The following PCDHGB4 variants were observed in gnomAD, a reference collection of about 807,000 sequenced individuals.
PCDHGB4 encodes the protein protocadherin gamma subfamily B, 4, also known as protocadherin gamma-B4.
PCDHGB4 carries 38 observed loss-of-function variants against 60.5 expected under a neutral mutation model. The ratio of observed to expected loss-of-function variants is 0.63; its 90% CI spans 0.48 to 0.82. The LOEUF (loss-of-function observed/expected upper bound fraction) is 0.82, where lower values mean the gene tolerates loss of function less well. PCDHGB4 is among the 40% of genes least tolerant of loss of function. The pLI, the probability that PCDHGB4 is intolerant of heterozygous loss-of-function variation, is 0.00. For missense variants in PCDHGB4, 1,109 were observed against 1,209.6 expected, an observed-to-expected ratio of 0.92 and a Z score of 1.23; for synonymous variants, 456 against 509.7, an observed-to-expected ratio of 0.89 and a Z score of 1.42.
intron 1 of PCDHGB4, among the ~76,000 whole-genome samples, chr5:141,473,057 A>G (rs2099313037): frequency 2.6e-5 from 4 of 152,056 alleles, no homozygotes; most frequent in Non-Finnish European, 5.9e-5. Flanking sequence ...AAGTGATACA[A>G]CAAGTTACAG....
chr5:141,398,781 A>G, intron 1 of PCDHGB4: 1 of 1,613,934 alleles, frequency 6.2e-7, no homozygotes, highest in South Asian at 1.1e-5. Flanking sequence ...TGGACGGTGG[A>G]CATCCACCCC....
chr5:141,442,472 C>T (rs1032989256), intron 1 of PCDHGB4: 1 of 152,204 alleles, frequency 6.6e-6, no homozygotes, highest in Non-Finnish European at 1.5e-5. Context: ...GCAGAAAGCC[C>T]CTTGGGGAAG....
At chr5:141,394,913 C>G (rs1284631853) in intron 1 of PCDHGB4, 2 of 1,613,780 alleles carry the variant, frequency 1.2e-6, no homozygotes, top group South Asian at 2.2e-5. Flanking sequence ...TGGCTGCCAT[C>G]TCCTGTGTCT....
intron 1 of PCDHGB4, chr5:141,395,029 AT>A: frequency 6.2e-7 from 1 of 1,613,976 alleles, no homozygotes. Context: ...CCTGCCTCAC[AT>A]TTTGTGGGTG....
intron 1 of PCDHGB4, chr5:141,394,570 A>G: frequency 6.2e-7 from 1 of 1,613,768 alleles, no homozygotes; most frequent in Non-Finnish European, 8.5e-7. Flanking sequence ...GAGCGTGGCT[A>G]CCTGGTGACC....
At chr5:141,436,486 C>A (rs2097826645) in intron 1 of PCDHGB4, among the ~76,000 whole-genome samples, 1 of 152,152 alleles carries the variant, frequency 6.6e-6, no homozygotes. Flanking sequence ...AGAAGGATAG[C>A]AGCTTTGCAA....
intron 1 of PCDHGB4, among the ~76,000 whole-genome samples, chr5:141,460,709 A>G (rs2098995845): frequency 6.6e-6 from 1 of 151,794 alleles, no homozygotes; most frequent in Non-Finnish European, 1.5e-5. Flanking sequence ...ATGAGAATAA[A>G]CTATTGTTAT....
intron 1 of PCDHGB4, chr5:141,408,313 T>G (rs375849626): frequency 6.2e-7 from 1 of 1,613,758 alleles, no homozygotes; most frequent in African/African-American, 1.3e-5. Flanking sequence ...GCTACTCGAT[T>G]CCGGAGGAGC....
intron 1 of PCDHGB4, among the ~76,000 whole-genome samples, chr5:141,480,693 G>C (rs1488899685): frequency 2.6e-5 from 4 of 152,096 alleles, no homozygotes; most frequent in Non-Finnish European, 5.9e-5. Context: ...CTGAAACCCA[G>C]GCCACACCCC....
chr5:141,393,752 AT>A, intron 1 of PCDHGB4: 1 of 1,613,942 alleles, frequency 6.2e-7, no homozygotes, highest in Non-Finnish European at 8.5e-7. Flanking sequence ...AAGAATGTTC[AT>A]TTTATGAAAT....
At chr5:141,418,357 G>T (rs375883635) in intron 1 of PCDHGB4, 2 of 1,613,864 alleles carry the variant, frequency 1.2e-6, no homozygotes, top group African/African-American at 2.7e-5. Flanking sequence ...GTATGAATTC[G>T]CTGAGCAAAT....
At position 141,419,527 on chromosome 5, in the gene PCDHGB4, C is replaced by G. The variant is rs755936657; in HGVS notation, c.2397+29246C>G. ...TGCGCGTGTTGGTGGGCGACCGTAA[C>G]GACAACGCACCGCGGGTGCTGTACC... is the stretch of plus-strand genomic sequence containing the variant. On this transcript the variant is annotated intron_variant, in intron 1 of 3. Transcript: ENST00000519479. The G allele has an allele frequency of 6.8e-5, 110 of 1,612,064 alleles. 2 individuals carry two copies. In the South Asian group the frequency reaches 9.6e-4, roughly 14 times the overall value.
At position 141,389,081 on chromosome 5, in the gene PCDHGB4, G is replaced by A. The variant is rs371979686; in HGVS notation, c.1197G>A (p.Thr399=). Residue 399 remains threonine, a synonymous_variant, in exon 1 of 4, where the codon ACG becomes ACA. Transcript: ENST00000519479. ...PFKILTSSRN[T]YKLVTDAVLD... Reference sequence around the variant, plus strand: ...AAATATTAACTTCTTCAAGAAACACGTATAAATTAGTGACAGATGCTGTTC... The same window carrying A: ...AAATATTAACTTCTTCAAGAAACACATATAAATTAGTGACAGATGCTGTTC... 1.5e-5 allele frequency: 24 copies of A among 1,613,978 alleles called. No homozygotes were observed. In the South Asian group the frequency reaches 2.0e-4, roughly 13 times the overall value.
rs537619617 is a variant in PCDHGB4 at position 141,483,429 on chromosome 5, C to G, written c.2398-11378C>G. On this transcript the variant is annotated intron_variant, in intron 1 of 3. Coordinates refer to ENST00000519479, the MANE Select transcript of PCDHGB4 (RefSeq NM_003736.4). ...ACAGTGGCAGTACAGATGGAGGGAGCTGACTACAATAAAATCATCAGGACT... is the reference window on the plus strand; with the variant it reads ...ACAGTGGCAGTACAGATGGAGGGAGGTGACTACAATAAAATCATCAGGACT... Among the ~76,000 whole-genome samples the G allele has an allele frequency of 5.3e-5, 8 of 152,158 alleles. No individual in the cohort carries two copies. In the East Asian group the frequency reaches 1.5e-3, roughly 29 times the overall value.
chr5:141,410,155 G>T, intron 1 of PCDHGB4: 1 of 1,612,898 alleles, frequency 6.2e-7, no homozygotes. Context: ...ACGGTGGACA[G>T]CCGCCACTCT....
rs138616951 is a variant in PCDHGB4, at chr5:141,490,312, C to T, written c.2398-4495C>T. On this transcript the variant is annotated intron_variant, in intron 1 of 3. Transcript: ENST00000519479. The surrounding 1 kb of genome is among the most constrained non-coding windows in gnomAD (Gnocchi z 5.4). ...GGTGCTATTGGCCTCTTTGGCCAAC[C>T]CTGTCCTAGAGAGCACACCAGTGGG... 67 of 1,614,050 alleles carry T rather than the reference C, an allele frequency of 4.2e-5. No individual in the cohort carries two copies. The highest frequency in any genetic ancestry group is 5.3e-5 in the Non-Finnish European group (63 of 1,180,008).
At chr5:141,413,724 C>T (rs751084568) in intron 1 of PCDHGB4, 2 of 1,613,426 alleles carry the variant, frequency 1.2e-6, no homozygotes, top group East Asian at 2.2e-5. Context: ...AGCACTTCTC[C>T]CTAAGAGTTC....
chr5:141,438,583 CATACATACATATATAT>C (rs1183800202), intron 1 of PCDHGB4, among the ~76,000 whole-genome samples: 1 of 57,610 alleles, frequency 1.7e-5, no homozygotes, highest in African/African-American at 9.0e-5. Context: ...TACATACATA[CATACATACATATATAT>C]ATATATATAT....
chr5:141,431,178 TAA>T lies in PCDHGB4; in HGVS notation c.2397+40901_2397+40902del. On this transcript the variant is annotated intron_variant, in intron 1 of 3. Transcript: ENST00000519479. This position sits in a 1 kb window ranked among gnomAD's most constrained non-coding sequence, Gnocchi z 4.8. ...TACTTTCGTGAAAGTGAATTAGAAA[TAA>T]AAATTAGTGAAAATGCAGCCACTGA... is the stretch of plus-strand genomic sequence containing the variant. 1 of 1,614,078 alleles carries T rather than the reference TAA, an allele frequency of 6.2e-7. No homozygotes were observed. Among genetic ancestry groups the T allele is most frequent in the Non-Finnish European group, 8.5e-7 (1 of 1,180,000 alleles).
Sources: allele counts gnomAD v4.1 joint callset (sites outside exome capture counted in the v4.1 genomes callset), GRCh38; gene constraint gnomAD v4.1.1; non-coding constraint Gnocchi (gnomAD v3.1); transcripts MANE v1.5; gene names NCBI Gene and HGNC (gene_info 2026-07-23, HGNC 2026-07-21).